STPG2: variants seen among roughly 807,000 people sequenced by gnomAD.
STPG2 encodes sperm tail PG-rich repeat containing 2.
A neutral mutation model predicts 54.2 loss-of-function variants in STPG2; 56 were observed. The ratio of observed to expected loss-of-function variants is 1.03; its 90% CI spans 0.83 to 1.29. STPG2 has a LOEUF of 1.29. STPG2 is among the 50% of genes most tolerant of loss of function. The pLI is 0.00. For missense variants in STPG2, 596 were observed against 544.9 expected, an observed-to-expected ratio of 1.09 and a Z score of -0.93; for synonymous variants, 200 against 181.8, an observed-to-expected ratio of 1.10 and a Z score of -0.81.
chr4:97,550,389 T>C (rs566699203), intron 4 of STPG2, among the ~76,000 whole-genome samples: 8 of 152,072 alleles, frequency 5.3e-5, no homozygotes, highest in Admixed American at 5.2e-4. Flanking sequence ...CACAAAAAAA[T>C]ATTTAGAGTA....
At position 97,541,625 on chromosome 4, in the gene STPG2, G is replaced by A. The variant is rs531658586; in HGVS notation, c.462+171074C>T. On this transcript the variant is annotated intron_variant, in intron 4 of 4. Transcript: ENST00000522676. ...CACAGAATTGGAAAAACCTACTTTA[G>A]AGTTTATATGGAACCAAAAAAGAGC... 8.2e-3 allele frequency among the ~76,000 whole-genome samples: 1,254 copies of A among 152,026 alleles called. 9 individuals are homozygous for A. The highest frequency in any genetic ancestry group is 0.013 in the Non-Finnish European group (907 of 67,924).
rs146919063 is a variant in STPG2, at chr4:98,032,056, C to A, written c.613-50738G>T. Among the ~76,000 whole-genome samples the A allele has an allele frequency of 8.6e-3, 1,315 of 152,146 alleles. 17 individuals carry two copies. Among genetic ancestry groups the A allele is most frequent in the African/African-American group, 0.03 (1,254 of 41,506 alleles). Reference sequence around the variant, plus strand: ...GCAATAATGGCCATAATCAAAAAATCAAAAAATAATAGATGTTAGCATGGA... The same window carrying A: ...GCAATAATGGCCATAATCAAAAAATAAAAAAATAATAGATGTTAGCATGGA... On this transcript the variant is annotated intron_variant, in intron 5 of 10. Transcript: ENST00000295268.
At chr4:97,818,893 C>T (rs560684661) in intron 9 of STPG2, among the ~76,000 whole-genome samples, 6 of 149,276 alleles carry the variant, frequency 4.0e-5, no homozygotes, top group African/African-American at 1.5e-4. Flanking sequence ...TAATCATTCT[C>T]AAATTATGTG....
chr4:98,033,466 C>G (rs1736666721), intron 5 of STPG2, among the ~76,000 whole-genome samples: 1 of 151,834 alleles, frequency 6.6e-6, no homozygotes, highest in Admixed American at 6.6e-5. Flanking sequence ...AATTAATAGC[C>G]TACCAACCAA....
At chr4:97,827,070 G>A (rs1728280910) in intron 9 of STPG2, among the ~76,000 whole-genome samples, 1 of 152,122 alleles carries the variant, frequency 6.6e-6, no homozygotes, top group Non-Finnish European at 1.5e-5. Context: ...AAACTTAGAG[G>A]AATCTCAGGC....
intron 5 of STPG2, among the ~76,000 whole-genome samples, chr4:98,029,137 G>A (rs910947273): frequency 1.3e-5 from 2 of 151,988 alleles, no homozygotes; most frequent in African/African-American, 4.8e-5. Flanking sequence ...TGTGCATGTA[G>A]AAATATGCGT....
intron 4 of STPG2, among the ~76,000 whole-genome samples, chr4:97,472,986 G>T (rs1268397820): frequency 6.6e-6 from 1 of 151,962 alleles, no homozygotes; most frequent in African/African-American, 2.4e-5. Context: ...AAATTGTGAA[G>T]ATTTCATGGA....
In STPG2 at chr4:97,699,615, A is replaced by C. The variant is rs138047350; in HGVS notation, c.1320+13084T>G. 1.3e-4 allele frequency among the ~76,000 whole-genome samples: 20 copies of C among 152,286 alleles called. No individual in the cohort carries two copies. The East Asian group carries it at 3.9e-3, about 29-fold the overall frequency. ...GTGCATAACCAGGTGCACTGCTCAA[A>C]GTTCTGCCCACTGAGGAGAGTTCCC... On this transcript the variant is annotated intron_variant, in intron 10 of 10. Coordinates refer to ENST00000295268, the MANE Select transcript of STPG2 (RefSeq NM_174952.3).
At chr4:97,728,397 T>C (rs1306433060) in intron 9 of STPG2, among the ~76,000 whole-genome samples, 1 of 152,120 alleles carries the variant, frequency 6.6e-6, no homozygotes, top group Non-Finnish European at 1.5e-5. Context: ...TATTTACCTT[T>C]ACTAGTATTT....
intron 10 of STPG2, among the ~76,000 whole-genome samples, chr4:97,572,025 C>G (rs184807917): frequency 6.6e-6 from 1 of 152,284 alleles, no homozygotes; most frequent in Non-Finnish European, 1.5e-5. Flanking sequence ...AATAATCGCT[C>G]AAAATGAAGT....
intron 5 of STPG2, among the ~76,000 whole-genome samples, chr4:97,998,368 C>A (rs1002318039): frequency 3.3e-5 from 5 of 152,182 alleles, no homozygotes; most frequent in African/African-American, 1.2e-4. Context: ...TTACAGCCAA[C>A]CCCTCTGAGG....
intron 5 of STPG2, among the ~76,000 whole-genome samples, chr4:98,035,539 G>A (rs1420517451): frequency 1.3e-5 from 2 of 152,312 alleles, no homozygotes; most frequent in Non-Finnish European, 2.9e-5. Flanking sequence ...ACAGTATGGT[G>A]ATTCCTCAAG....
intron 5 of STPG2, among the ~76,000 whole-genome samples, chr4:98,001,770 T>C (rs1735422065): frequency 1.3e-5 from 2 of 152,146 alleles, no homozygotes; most frequent in Admixed American, 6.6e-5. Context: ...TTAAATTCTT[T>C]TGTTCACTTT....
At chr4:97,965,624 C>A (rs907751398) in intron 7 of STPG2, among the ~76,000 whole-genome samples, 1 of 152,174 alleles carries the variant, frequency 6.6e-6, no homozygotes, top group African/African-American at 2.4e-5. Context: ...GCTGGTGCCC[C>A]TCTGGGACGA....
chr4:98,122,560 T>C (rs1259100715), intron 3 of STPG2, among the ~76,000 whole-genome samples: 1 of 152,236 alleles, frequency 6.6e-6, no homozygotes, highest in Non-Finnish European at 1.5e-5. Context: ...AGCTTTTTGA[T>C]GGGCTGCTGG....
Position 97,664,686 on chromosome 4 carries a change from A to AT in STPG2, c.1320+48012dup, listed in dbSNP as rs33997675. 2.6e-5 allele frequency among the ~76,000 whole-genome samples: 4 copies of AT among 151,654 alleles called. No individual in the cohort carries two copies. The East Asian group carries it at 5.8e-4, about 22-fold the overall frequency. ...ATGTGTATGTTTCTGATAAGAAGCT[A>AT]TTTTTTTTACCTCAGTATCTCCTAT... is the stretch of plus-strand genomic sequence containing the variant. On this transcript the variant is annotated intron_variant, in intron 10 of 10. Transcript: ENST00000295268.
At chr4:98,128,787 T>A (rs1739903303) in intron 2 of STPG2, among the ~76,000 whole-genome samples, 195 bp from the exon 3 acceptor site, 1 of 152,138 alleles carries the variant, frequency 6.6e-6, no homozygotes, top group Non-Finnish European at 1.5e-5. Context: ...TGGAGTGCAG[T>A]GGTACAATCT....
chr4:97,890,944 A>C (rs528017587), intron 8 of STPG2, among the ~76,000 whole-genome samples: 19 of 152,092 alleles, frequency 1.2e-4, no homozygotes, highest in Non-Finnish European at 2.7e-4. Context: ...TCATAGAAAT[A>C]AGTCAGTACA....
At chr4:97,968,895 G>A (rs966251243) in intron 7 of STPG2, among the ~76,000 whole-genome samples, 1 of 152,194 alleles carries the variant, frequency 6.6e-6, no homozygotes, top group Non-Finnish European at 1.5e-5. Flanking sequence ...GCTTCCCCCT[G>A]CAGAGAGCCT....
Sources: allele counts gnomAD v4.1 joint callset (sites outside exome capture counted in the v4.1 genomes callset), GRCh38; gene constraint gnomAD v4.1.1; transcripts MANE v1.5; gene names NCBI Gene and HGNC (gene_info 2026-07-23, HGNC 2026-07-21).